HEXA: variants seen among roughly 807,000 people sequenced by gnomAD.
HEXA encodes the protein hexosaminidase subunit alpha.
In HEXA, 54 loss-of-function variants were observed where a neutral mutation model predicts 73.3. The ratio of observed to expected loss-of-function variants is 0.74; its 90% CI spans 0.59 to 0.92. The LOEUF (loss-of-function observed/expected upper bound fraction) is 0.92. Among genes scored for constraint, HEXA ranks in the 40% least tolerant of loss-of-function variants. The probability of loss-of-function intolerance (pLI) is 0.00; values close to 1 mark genes in which losing one functional copy is unlikely to be tolerated. For missense variants in HEXA, 649 were observed against 653.0 expected, an observed-to-expected ratio of 0.99 and a Z score of 0.07; for synonymous variants, 230 against 246.9, an observed-to-expected ratio of 0.93 and a Z score of 0.64.
chr15:72,350,705 G>A (rs2140324336), intron 6 of HEXA, 55 bp from the exon 7 acceptor site: 10 of 1,608,606 alleles, frequency 6.2e-6, no homozygotes, highest in Non-Finnish European at 8.5e-6. Flanking sequence ...TAGCAGAGTA[G>A]AAGATACTCA....
intron 1 of HEXA, chr15:72,360,334 A>C (rs937625700): frequency 1.3e-5 from 2 of 152,370 alleles, no homozygotes; most frequent in Non-Finnish European, 2.9e-5. Flanking sequence ...GCTTCATTCT[A>C]TTCTCTACAC....
Position 72,375,792 on chromosome 15 carries a change from G to T in HEXA, c.181C>A (p.Leu61Ile), listed in dbSNP as rs1595816175. 3 of 1,614,240 alleles carry T rather than the reference G, an allele frequency of 1.9e-6. No individual in the cohort carries two copies. Among genetic ancestry groups the T allele is most frequent in the Non-Finnish European group, 1.7e-6 (2 of 1,180,044 alleles). Residue 61 changes from leucine (L) to isoleucine (I), a missense_variant, in exon 1 of 14, where the codon CTC becomes ATC. By Grantham distance (5) the Leu-to-Ile change is conservative. Coordinates refer to ENST00000268097, the MANE Select transcript of HEXA (RefSeq NM_000520.6). ...CGATAGCGCTGGAAGGCCTCGTCGA[G>T]GACTGAGCAGCCGGGCTGCGCGGCC... ...SSAAQPGCSV[L>I]DEAFQRYRDL...
chr15:72,346,102 C>G, intron 12 of HEXA, 133 bp downstream of exon 12: 1 of 699,954 alleles, frequency 1.4e-6, no homozygotes, highest in African/African-American at 1.8e-5. Flanking sequence ...TCAGAAGGCT[C>G]GTTGCACGGC....
At position 72,349,147 on chromosome 15, in the gene HEXA, TAAG is replaced by T. The variant is rs121907960; in HGVS notation, c.915_917del (p.Phe305del). On this transcript the variant is annotated inframe_deletion, in exon 8 of 14. Transcript: ENST00000268097. ...AATCTGGGAAGACAGAGCTGACTTCTAAGAAGAATGTGCTCATGAACTCATAGG... is the reference window on the plus strand; with the variant it reads ...AATCTGGGAAGACAGAGCTGACTTCTAAGAATGTGCTCATGAACTCATAGG... 107 of 1,614,014 alleles carry T rather than the reference TAAG, an allele frequency of 6.6e-5. No homozygotes were observed. Among genetic ancestry groups the T allele is most frequent in the Non-Finnish European group, 6.9e-5 (82 of 1,179,894 alleles).
intron 1 of HEXA, chr15:72,357,828 G>A (rs2088805518): frequency 1.3e-5 from 2 of 152,162 alleles, no homozygotes; most frequent in African/African-American, 4.8e-5. Flanking sequence ...GGTCTGCCAA[G>A]AAGCAAGCCA....
At position 72,342,656 on chromosome 15, in the gene HEXA, G is replaced by C. The variant is rs2088564080; in HGVS notation, c.*1421C>G. 6.6e-6 allele frequency: 1 copy of C among 152,256 alleles called. No individual in the cohort carries two copies. Among genetic ancestry groups the C allele is most frequent in the Admixed American group, 6.5e-5 (1 of 15,282 alleles). The allele number at this position is 152,256 out of a possible 1,614,324, so 9.4% of individuals were successfully genotyped here. A position where few individuals can be genotyped will look rare whatever the true frequency, so the allele number is the denominator to read the frequency against. ...ATCACACCTGCAAAGACCCTCTCCA[G>C]AGCCACCGCCCACCTCCGCGCAGCC... On this transcript the variant is annotated 3_prime_UTR_variant, in exon 14 of 14. Transcript: ENST00000268097.
chr15:72,367,815 G>T (rs1043523967), intron 1 of HEXA, among the ~76,000 whole-genome samples: 4 of 152,160 alleles, frequency 2.6e-5, no homozygotes, highest in African/African-American at 9.7e-5. Flanking sequence ...TTTCTATGCG[G>T]AATACTATCT....
rs1215991197 is a variant in HEXA at position 72,342,531 on chromosome 15, T to G, written c.*1546A>C. The G allele has an allele frequency of 6.6e-6, 1 of 152,256 alleles. No individual in the cohort carries two copies. Among genetic ancestry groups the G allele is most frequent in the African/African-American group, 2.4e-5 (1 of 41,440 alleles). The allele number at this position is 152,256 out of a possible 1,614,324, so 9.4% of individuals were successfully genotyped here. A position where few individuals can be genotyped will look rare whatever the true frequency, so the allele number is the denominator to read the frequency against. ...AAATCCTCACCTAAAATGGCTGCGA[T>G]GCATTACTGCCCCCGCCTCTGGCTT... On this transcript the variant is annotated 3_prime_UTR_variant, in exon 14 of 14. Coordinates refer to ENST00000268097, the MANE Select transcript of HEXA (RefSeq NM_000520.6).
intron 1 of HEXA, among the ~76,000 whole-genome samples, chr15:72,372,904 AG>A (rs796905974): frequency 3.9e-5 from 6 of 152,360 alleles, no homozygotes; most frequent in African/African-American, 1.4e-4. Flanking sequence ...AGGCCAAAGC[AG>A]GGGGATCACT....
At chr15:72,345,662 G>A in intron 12 of HEXA, 112 bp from the exon 13 acceptor site, 1 of 1,540,344 alleles carries the variant, frequency 6.5e-7, no homozygotes, top group Non-Finnish European at 8.7e-7. Flanking sequence ...TCAGGCCAAA[G>A]GAAGTGATCA....
intron 3 of HEXA, 32 bp from the exon 4 acceptor site, chr15:72,353,769 T>G: frequency 1.3e-6 from 2 of 1,526,974 alleles, no homozygotes; most frequent in Non-Finnish European, 1.8e-6. Flanking sequence ...GAGTAAAGAC[T>G]CAGGGAGTGG....
rs2088578644 is a variant in HEXA at position 72,343,968 on chromosome 15, C to CAGGCAAGGGGCACGA, written c.*94_*108dup. 6.8e-6 allele frequency: 6 copies of CAGGCAAGGGGCACGA among 883,634 alleles called. No individual in the cohort carries two copies. Among genetic ancestry groups the CAGGCAAGGGGCACGA allele is most frequent in the Non-Finnish European group, 1.1e-5 (6 of 526,236 alleles). 54.7% of individuals were successfully genotyped at this position (883,634 alleles called of 1,614,324 possible). On this transcript the variant is annotated 3_prime_UTR_variant, in exon 14 of 14. Coordinates refer to ENST00000268097, the MANE Select transcript of HEXA (RefSeq NM_000520.6). ...CTTTCTCTCCAAGCACAGGGGCACGCAGGCAAGGGGCACGAAGGCAAGGGG... is the reference window on the plus strand; with the variant it reads ...CTTTCTCTCCAAGCACAGGGGCACGCAGGCAAGGGGCACGAAGGCAAGGGGCACGAAGGCAAGGGG...
At position 72,353,722 on chromosome 15, in the gene HEXA, C is replaced by A. The variant is rs1273494297; in HGVS notation, c.428G>T (p.Ser143Ile). Reference sequence around the variant, plus strand: ...CTCAGCAGATTTCCAAACAAGCTGGCTAAAAGTCTCCAGACCTAGGAAGAT... The same window carrying A: ...CTCAGCAGATTTCCAAACAAGCTGGATAAAAGTCTCCAGACCTAGGAAGAT... ...WGALRGLETF[S>I]QLVWKSAEGT... Residue 143 changes from serine (S) to isoleucine (I), a missense_variant, in exon 4 of 14, where the codon AGC (serine) becomes ATC (isoleucine). Coordinates refer to ENST00000268097, the MANE Select transcript of HEXA (RefSeq NM_000520.6). 29 of 1,612,760 alleles carry A rather than the reference C, an allele frequency of 1.8e-5. No homozygotes were observed. In the East Asian group the frequency reaches 6.5e-4, roughly 36 times the overall value.
At chr15:72,345,178 T>C (rs2088592901) in intron 13 of HEXA, 2 of 494,418 alleles carry the variant, frequency 4.0e-6, no homozygotes, top group Non-Finnish European at 7.1e-6. Context: ...CCCATATACT[T>C]GAAATGATCT....
chr15:72,353,299 G>C (rs1567299462), intron 4 of HEXA, 121 bp from the exon 5 acceptor site: 1 of 721,072 alleles, frequency 1.4e-6, no homozygotes, highest in East Asian at 2.7e-5. Flanking sequence ...TCTCAGGGTC[G>C]CTCTCTCCCT....
At chr15:72,368,703 G>A (rs1206634448) in intron 1 of HEXA, among the ~76,000 whole-genome samples, 1 of 152,164 alleles carries the variant, frequency 6.6e-6, no homozygotes, top group East Asian at 1.9e-4. Context: ...GAGACTGAAG[G>A]CTTCACTACT....
intron 12 of HEXA, chr15:72,345,941 T>C: frequency 5.5e-6 from 3 of 540,546 alleles, no homozygotes; most frequent in Non-Finnish European, 1.0e-5. Context: ...TCATGGATGC[T>C]TGTGCTGGGT....
intron 1 of HEXA, among the ~76,000 whole-genome samples, chr15:72,365,431 T>C (rs941665366): frequency 1.3e-5 from 2 of 152,196 alleles, no homozygotes; most frequent in Admixed American, 1.3e-4. Context: ...ACTTTTCTTT[T>C]ATTGACTTGT....
At chr15:72,359,393 A>T (rs2088823498) in intron 1 of HEXA, 1 of 152,022 alleles carries the variant, frequency 6.6e-6, no homozygotes, top group Non-Finnish European at 1.5e-5. Context: ...ATCTTTTTTT[A>T]AAATCAAAAC....
Sources: allele counts gnomAD v4.1 joint callset (sites outside exome capture counted in the v4.1 genomes callset), GRCh38; gene constraint gnomAD v4.1.1; transcripts MANE v1.5; gene names NCBI Gene and HGNC (gene_info 2026-07-23, HGNC 2026-07-21).